The following CRELD1 variants were observed in gnomAD, a reference collection of about 807,000 sequenced individuals.
CRELD1 encodes CRELD disulfide isomerase 1.
A neutral mutation model predicts 58.2 loss-of-function variants in CRELD1; 42 were observed. That is an observed-to-expected ratio of 0.72 (90% CI 0.56 to 0.93). The LOEUF is 0.93. Ranked by LOEUF, CRELD1 falls within the 40% of genes least tolerant of loss-of-function variation. The pLI, the probability that CRELD1 is intolerant of heterozygous loss-of-function variation, is 0.00. For synonymous variants in CRELD1, 222 were observed against 202.0 expected (o/e 1.10, Z -0.84); for missense variants, 500 against 540.6 (o/e 0.92, Z 0.74).
chr3:9,944,266 T>A, intron 10 of CRELD1, 99 bp from the exon 11 acceptor site: 1 of 1,101,086 alleles, frequency 9.1e-7, no homozygotes, highest in Non-Finnish European at 1.4e-6. Flanking sequence ...GCAGGCCTGG[T>A]GGCCATGATG....
intron 5 of CRELD1, 42 bp downstream of exon 5, chr3:9,938,148 G>A (rs751041958): frequency 7.6e-6 from 11 of 1,442,114 alleles, no homozygotes; most frequent in South Asian, 3.4e-5. Context: ...GGGGACCACC[G>A]AGTCCAGGGA....
At chr3:9,937,892 C>T in intron 4 of CRELD1, 123 bp from the exon 5 acceptor site, 2 of 793,636 alleles carry the variant, frequency 2.5e-6, no homozygotes, top group South Asian at 2.9e-5. Context: ...GTCAGATGGC[C>T]TTTTGGGTCT....
intron 5 of CRELD1, among the ~76,000 whole-genome samples, chr3:9,940,335 G>C (rs1010905008): frequency 3.9e-5 from 6 of 152,118 alleles, no homozygotes; most frequent in Admixed American, 1.3e-4. Flanking sequence ...GGTGGAGGTT[G>C]TAGCGAGCCG....
At chr3:9,942,572 C>A (rs781647789) in intron 7 of CRELD1, among the ~76,000 whole-genome samples, 1 of 152,182 alleles carries the variant, frequency 6.6e-6, no homozygotes, top group Admixed American at 6.5e-5. Flanking sequence ...CTCATCACTC[C>A]TGTTTACATC....
rs2085483906 is a variant in CRELD1, at chr3:9,945,111, T to C, written c.*532T>C. The C allele has an allele frequency of 5.2e-6, 1 of 192,200 alleles. No individual in the cohort carries two copies. Among genetic ancestry groups the C allele is most frequent in the Non-Finnish European group, 1.1e-5 (1 of 90,872 alleles). The allele number at this position is 192,200 out of a possible 1,614,324, so 11.9% of individuals were successfully genotyped here. On this transcript the variant is annotated 3_prime_UTR_variant, in exon 11 of 11. Transcript: ENST00000452070. ...AATCCTGGGAAATTGAGGGCTTCTT[T>C]GATGGTGAGTGGAGAAAAGATAGAG... is the stretch of plus-strand genomic sequence containing the variant.
rs562345417 is a variant in CRELD1, at chr3:9,938,859, C to CA, written c.460+765dup. Among the ~76,000 whole-genome samples, 1,030 of 127,988 alleles carry CA rather than the reference C, an allele frequency of 8.0e-3. 11 individuals are homozygous for CA. The highest frequency in any genetic ancestry group is 0.025 in the African/African-American group (891 of 35,146). The allele number at this position is 127,988 out of a possible 152,430, so 84.0% of individuals were successfully genotyped here. On this transcript the variant is annotated intron_variant, in intron 5 of 10. Coordinates refer to ENST00000452070, the MANE Select transcript of CRELD1 (RefSeq NM_001077415.3). ...TGGGCGACAGAGCGAGACTCTGTCT[C>CA]AAAAAAAAAAAAGAAAATATTTGGT...
chr3:9,935,460 C>G (rs2085163529), intron 3 of CRELD1, among the ~76,000 whole-genome samples: 1 of 152,110 alleles, frequency 6.6e-6, no homozygotes, highest in African/African-American at 2.4e-5. Flanking sequence ...TTCTCTACAC[C>G]TTTAAAGATT....
chr3:9,937,034 C>T (rs886186629), intron 3 of CRELD1, among the ~76,000 whole-genome samples: 18 of 152,138 alleles, frequency 1.2e-4, no homozygotes, highest in Non-Finnish European at 2.4e-4. Context: ...TACAAGTTTT[C>T]GTTTGAACAC....
chr3:9,942,714 T>C, intron 7 of CRELD1, 99 bp from the exon 8 acceptor site: 2 of 932,560 alleles, frequency 2.1e-6, no homozygotes, highest in Non-Finnish European at 3.5e-6. Context: ...GTCTCTGCCA[T>C]ACCATTTAAT....
chr3:9,935,967 T>C (rs1018206204), intron 3 of CRELD1: 1 of 152,200 alleles, frequency 6.6e-6, no homozygotes, highest in Non-Finnish European at 1.5e-5. Flanking sequence ...AAAGCCATTA[T>C]ATAGTCAATA....
rs749628781 is a variant in CRELD1 at position 9,934,538 on chromosome 3, C to T, written c.100C>T (p.Pro34Ser). 1 of 1,614,126 alleles carries T rather than the reference C, an allele frequency of 6.2e-7. No individual in the cohort carries two copies. Among genetic ancestry groups the T allele is most frequent in the South Asian group, 1.1e-5 (1 of 91,078 alleles). The stretch of plus-strand genomic sequence containing the variant: ...ACCTATCTGGCTCCAGCCCTCTCCA[C>T]CTCCCCAGTCTTCTCCCCCGCCTCA... ...PGPIWLQPSP[P>S]PQSSPPPQPH... The change falls in exon 2 of 11, where the codon CCT becomes TCT. Residue 34 changes from proline (P) to serine (S), a missense_variant. By Grantham distance (74) the Pro-to-Ser change is moderately conservative. Transcript: ENST00000452070.
intron 3 of CRELD1, among the ~76,000 whole-genome samples, chr3:9,936,972 G>A (rs899100825): frequency 3.9e-5 from 6 of 152,206 alleles, no homozygotes; most frequent in Non-Finnish European, 2.9e-5. Flanking sequence ...ATGGACATCT[G>A]CATTGTTTCT....
intron 10 of CRELD1, chr3:9,944,056 C>G: frequency 5.0e-6 from 4 of 806,334 alleles, no homozygotes; most frequent in Non-Finnish European, 6.8e-6. Context: ...AGCTGGGATC[C>G]CAATCCAGAC....
At position 9,941,226 on chromosome 3, in the gene CRELD1, G is replaced by C. The variant is rs1435798584; in HGVS notation, c.733+20G>C. On this transcript the variant is annotated intron_variant, in intron 7 of 10. Coordinates refer to ENST00000452070, the MANE Select transcript of CRELD1 (RefSeq NM_001077415.3). ...GTGTAGGTAAGTGGGGCCCTAGCTA[G>C]GTCTGGGAAGATGGTCAGGGGCCTG... 1.2e-6 allele frequency: 2 copies of C among 1,604,316 alleles called. No individual in the cohort carries two copies. The highest frequency in any genetic ancestry group is 1.7e-6 in the Non-Finnish European group (2 of 1,172,626).
chr3:9,935,030 T>C, intron 3 of CRELD1, 113 bp downstream of exon 3: 1 of 861,240 alleles, frequency 1.2e-6, no homozygotes, highest in South Asian at 1.7e-5. Flanking sequence ...CAAATAGCAC[T>C]GAACATCTAT....
intron 3 of CRELD1, among the ~76,000 whole-genome samples, chr3:9,935,406 T>C (rs952275685): frequency 6.6e-6 from 1 of 152,040 alleles, no homozygotes; most frequent in Non-Finnish European, 1.5e-5. Context: ...TGGAGTGTAA[T>C]GGGAAGCTCT....
intron 5 of CRELD1, among the ~76,000 whole-genome samples, chr3:9,940,378 AT>A (rs2085325693): frequency 6.6e-6 from 1 of 152,056 alleles, no homozygotes; most frequent in Non-Finnish European, 1.5e-5. Context: ...CCTGGGCACC[AT>A]TGAGCACTGA....
chr3:9,934,737 G>T, intron 2 of CRELD1, 98 bp from the exon 3 acceptor site: 1 of 1,503,682 alleles, frequency 6.7e-7, no homozygotes, highest in Non-Finnish European at 9.2e-7. Context: ...CCCTAGGCAG[G>T]TTGCCTTTCT....
Position 9,943,148 on chromosome 3 carries a change from C to T in CRELD1, c.889C>T (p.Gln297Ter). 6.2e-7 allele frequency: 1 copy of T among 1,613,460 alleles called. No individual in the cohort carries two copies. Among genetic ancestry groups the T allele is most frequent in the Non-Finnish European group, 8.5e-7 (1 of 1,179,958 alleles). The change falls in exon 9 of 11, where the codon CAG (glutamine) becomes TAG (stop). Residue 297 changes from glutamine to a stop codon, truncating the protein, a stop_gained. Transcript: ENST00000452070. LOFTEE classifies it high-confidence loss of function. ...CTGTAAGAAGTGTAGCCCTGGCTAT[C>T]AGCAGGTGGGCTCCAAGTGTCTCGG... ...GRCKKCSPGY[Q>*]QVGSKCLDVD...
Sources: gnomAD v4.1 joint callset for allele counts (sites outside exome capture counted in the v4.1 genomes callset) on GRCh38, gnomAD v4.1.1 for gene constraint, MANE v1.5 for transcripts, NCBI Gene and HGNC (gene_info 2026-07-23, HGNC 2026-07-21) for gene names.